The following ZNF846 variants were observed in gnomAD, a reference collection of about 807,000 sequenced individuals.
ZNF846 encodes the protein zinc finger protein 420 pseudogene.
Under a neutral mutation model 16.0 loss-of-function variants are expected in ZNF846, and 15 were observed. The observed-to-expected ratio is 0.94, with a 90% CI of 0.63 to 1.45. ZNF846 has a LOEUF of 1.45. Among genes scored for constraint, ZNF846 ranks in the 40% most tolerant of loss-of-function variants. ZNF846 has a pLI of 0.00. For synonymous variants in ZNF846, 229 were observed against 212.0 expected, an observed-to-expected ratio of 1.08 and a Z score of -0.70; for missense variants, 714 against 622.3, an observed-to-expected ratio of 1.15 and a Z score of -1.57.
chr19:9,759,869 T>A, exon 5 of ZNF846: 1 of 1,612,290 alleles, frequency 6.2e-7, no homozygotes, highest in Non-Finnish European at 8.5e-7. Context: ...CCAATTGTAC[T>A]CCATTTGGTG....
chr19:9,761,430 T>C (rs2045226218), intron 4 of ZNF846, among the ~76,000 whole-genome samples: 1 of 151,814 alleles, frequency 6.6e-6, no homozygotes, highest in Non-Finnish European at 1.5e-5. Flanking sequence ...GGTAAAGATA[T>C]GGTGTCAAAA....
chr19:9,763,864 A>G (rs970818377), intron 2 of ZNF846, among the ~76,000 whole-genome samples: 1 of 152,236 alleles, frequency 6.6e-6, no homozygotes, highest in African/African-American at 2.4e-5. Flanking sequence ...TAAAATAATC[A>G]TTTCTGTAGG....
intron 1 of ZNF846, among the ~76,000 whole-genome samples, chr19:9,785,083 T>C (rs1194333314): frequency 6.6e-6 from 1 of 152,114 alleles, no homozygotes; most frequent in Non-Finnish European, 1.5e-5. Flanking sequence ...TATACTGACC[T>C]AACCATAAGA....
chr19:9,768,520 C>G (rs936414966), exon 1 of ZNF846: 2 of 152,260 alleles, frequency 1.3e-5, no homozygotes, highest in Admixed American at 1.3e-4. Flanking sequence ...GGCGGGAACC[C>G]CCCGCCTCGG....
At chr19:9,771,208 G>A (rs2045387343), upstream of ZNF846, among the ~76,000 whole-genome samples, 1 of 151,760 alleles carries the variant, frequency 6.6e-6, no homozygotes, top group Admixed American at 6.6e-5. Flanking sequence ...TTTTTGAGAT[G>A]GAGTCTCATT....
At chr19:9,770,634 G>A (rs527890574), upstream of ZNF846, among the ~76,000 whole-genome samples, 26 of 152,092 alleles carry the variant, frequency 1.7e-4, no homozygotes, top group East Asian at 5.8e-4. Context: ...TTGGGAGGCC[G>A]AGGCAGGCGG....
chr19:9,766,095 C>T (rs559082159), intron 1 of ZNF846, among the ~76,000 whole-genome samples: 1 of 152,248 alleles, frequency 6.6e-6, no homozygotes, highest in East Asian at 1.9e-4. Context: ...TGTTCATCCA[C>T]CTGTGATTTG....
chr19:9,752,437 G>T (rs139376969), exon 6 of ZNF846: 3 of 416,416 alleles, frequency 7.2e-6, no homozygotes, highest in Non-Finnish European at 1.5e-5. Context: ...ATGAAACTTC[G>T]TCTCTACAAA....
intron 2 of ZNF846, 161 bp downstream of exon 2, chr19:9,764,775 C>A: frequency 2.5e-6 from 2 of 802,256 alleles, no homozygotes; most frequent in South Asian, 3.1e-5. Flanking sequence ...AATCTCTGTA[C>A]AACCTGAGAT....
At chr19:9,761,348 TAA>T (rs34244173) in intron 4 of ZNF846, among the ~76,000 whole-genome samples, 4 of 146,998 alleles carry the variant, frequency 2.7e-5, no homozygotes, top group Non-Finnish European at 4.5e-5. Context: ...AAAACATGAT[TAA>T]AAAAAAAAAG....
chr19:9,765,731 T>C (rs982836823), intron 1 of ZNF846, among the ~76,000 whole-genome samples: 2 of 152,022 alleles, frequency 1.3e-5, no homozygotes, highest in Non-Finnish European at 2.9e-5. Context: ...GCAGACATAG[T>C]CTTTTCCATG....
chr19:9,763,463 T>A (rs1186230156), intron 2 of ZNF846, 55 bp from the exon 3 acceptor site: 1 of 1,512,110 alleles, frequency 6.6e-7, no homozygotes, highest in African/African-American at 1.4e-5. Flanking sequence ...TTTGATGTTC[T>A]GAGAAAAATG....
At chr19:9,770,514 C>T (rs1476645213), upstream of ZNF846, among the ~76,000 whole-genome samples, 28 of 135,736 alleles carry the variant, frequency 2.1e-4, 1 homozygote, top group African/African-American at 7.9e-4. Flanking sequence ...TTGGATAATA[C>T]AAGACGCATT....
downstream of ZNF846, among the ~76,000 whole-genome samples, chr19:9,750,900 A>G (rs1202316134): frequency 6.6e-6 from 1 of 152,192 alleles, no homozygotes; most frequent in African/African-American, 2.4e-5. Flanking sequence ...CACTGCTGAA[A>G]AAGGAGGACT....
chr19:9,755,691 T>C (rs2045126154), downstream of ZNF846: 1 of 140,516 alleles, frequency 7.1e-6, no homozygotes, highest in Non-Finnish European at 1.5e-5. Context: ...TCCCAGCTAC[T>C]TGGGAGGCTG....
downstream of ZNF846, among the ~76,000 whole-genome samples, chr19:9,749,496 T>C (rs547582107): frequency 1.1e-4 from 16 of 152,096 alleles, no homozygotes; most frequent in South Asian, 3.3e-3. Context: ...GTGGATATAA[T>C]ATCTTCAGTG....
At chr19:9,783,223 T>A (rs1221600008) in intron 1 of ZNF846, among the ~76,000 whole-genome samples, 1 of 115,096 alleles carries the variant, frequency 8.7e-6, no homozygotes, top group Non-Finnish European at 1.8e-5. Flanking sequence ...TAATTCTTTT[T>A]TTTTTTTTTT....
At chr19:9,750,441 T>C (rs761513030), downstream of ZNF846, among the ~76,000 whole-genome samples, 2 of 152,196 alleles carry the variant, frequency 1.3e-5, no homozygotes, top group Non-Finnish European at 2.9e-5. Flanking sequence ...CTCTAGGATT[T>C]TGGGTGCAGG....
exon 6 of ZNF846, chr19:9,757,733 C>T: frequency 6.2e-7 from 1 of 1,613,400 alleles, no homozygotes. Context: ...ATTCACAGGC[C>T]TTTTCTCCAG....
Sources: allele counts gnomAD v4.1 joint callset (sites outside exome capture counted in the v4.1 genomes callset), GRCh38; gene constraint gnomAD v4.1.1; transcripts MANE v1.5; gene names NCBI Gene and HGNC (gene_info 2026-07-23, HGNC 2026-07-21).